Variants in KL observed in about 807,000 individuals in gnomAD.
KL encodes klotho.
Under a neutral mutation model 84.2 loss-of-function variants are expected in KL, and 62 were observed. The ratio of observed to expected loss-of-function variants is 0.74; its 90% CI spans 0.60 to 0.91. The LOEUF (loss-of-function observed/expected upper bound fraction) is 0.91. Ranked by LOEUF, KL falls within the 40% of genes least tolerant of loss-of-function variation. The pLI is 0.00. For missense variants in KL, 1,261 were observed against 1,305.7 expected, an observed-to-expected ratio of 0.97 and a Z score of 0.53; for synonymous variants, 528 against 528.0, an observed-to-expected ratio of 1.00 and a Z score of 0.00.
At chr13:33,025,944 C>T (rs1870756733) in intron 1 of KL, among the ~76,000 whole-genome samples, 1 of 152,150 alleles carries the variant, frequency 6.6e-6, no homozygotes, top group Non-Finnish European at 1.5e-5. Context: ...AAGTTTACCG[C>T]TGATGGTGGT....
At chr13:33,029,135 C>A (rs1870880747) in intron 1 of KL, among the ~76,000 whole-genome samples, 3 of 152,162 alleles carry the variant, frequency 2.0e-5, no homozygotes, top group Admixed American at 6.5e-5. Context: ...TTTTTTCTAT[C>A]ACTTTAAATA....
intron 4 of KL, among the ~76,000 whole-genome samples, chr13:33,063,265 A>C (rs1202568095): frequency 2.0e-5 from 3 of 151,750 alleles, no homozygotes; most frequent in East Asian, 1.9e-4. Context: ...AAAAAAAAAA[A>C]CACATACACA....
chr13:33,034,332 C>A (rs1871082687), intron 1 of KL, among the ~76,000 whole-genome samples: 1 of 152,156 alleles, frequency 6.6e-6, no homozygotes, highest in African/African-American at 2.4e-5. Context: ...GAAGGCAGTG[C>A]ACCTTTGTTC....
intron 1 of KL, among the ~76,000 whole-genome samples, chr13:33,037,248 G>T (rs1871171292): frequency 6.6e-6 from 1 of 152,076 alleles, no homozygotes; most frequent in South Asian, 2.1e-4. Flanking sequence ...TATAATAGGT[G>T]TTGGATAATA....
intron 4 of KL, 61 bp downstream of exon 4, chr13:33,061,841 G>C (rs1872222232): frequency 6.4e-7 from 1 of 1,553,592 alleles, no homozygotes; most frequent in Non-Finnish European, 8.8e-7. Context: ...CATGACACTT[G>C]ATTAAATCTC....
intron 1 of KL, 110 bp from the exon 2 acceptor site, chr13:33,053,657 T>G (rs1234017681): frequency 1.9e-6 from 2 of 1,039,204 alleles, no homozygotes; most frequent in Admixed American, 3.9e-5. Context: ...TGTTAGTCAT[T>G]AAGTTAGGCT....
intron 1 of KL, among the ~76,000 whole-genome samples, chr13:33,039,499 A>G (rs112204991): frequency 6.6e-6 from 1 of 152,188 alleles, no homozygotes; most frequent in East Asian, 1.9e-4. Context: ...ACTATGAAGA[A>G]GCATGTTATT....
chr13:33,029,678 G>A (rs542082652), intron 1 of KL, among the ~76,000 whole-genome samples: 118 of 152,110 alleles, frequency 7.8e-4, no homozygotes, highest in Non-Finnish European at 9.3e-4. Context: ...GTGTTGCCCA[G>A]GCTGGAGTGC....
chr13:33,027,532 C>T (rs1473489997), intron 1 of KL, among the ~76,000 whole-genome samples: 1 of 152,186 alleles, frequency 6.6e-6, no homozygotes, highest in East Asian at 1.9e-4. Context: ...GGCTGTGGCT[C>T]TTATATTGAG....
intron 3 of KL, among the ~76,000 whole-genome samples, chr13:33,059,612 A>ATAGGTGT (rs1276743644): frequency 1.5e-4 from 23 of 152,068 alleles, no homozygotes; most frequent in African/African-American, 5.5e-4. Context: ...AGCTGGGATT[A>ATAGGTGT]CAGGTGTGCA....
intron 1 of KL, among the ~76,000 whole-genome samples, chr13:33,026,120 G>C (rs76945057): frequency 2.6e-5 from 4 of 152,128 alleles, no homozygotes; most frequent in Non-Finnish European, 5.9e-5. Flanking sequence ...TATGTAAAAA[G>C]TATGTAAAGA....
In KL at chr13:33,064,249, A is replaced by G. The variant is rs961505420; in HGVS notation, c.*63A>G. On this transcript the variant is annotated 3_prime_UTR_variant, in exon 5 of 5. Transcript: ENST00000380099. ...TATGCAGACACATCAGCTGTTAACC[A>G]TTTGCACCTCTAAGTGTTGTGAAAC... 1 of 1,217,048 alleles carries G rather than the reference A, an allele frequency of 8.2e-7. No individual in the cohort carries two copies. 75.4% of individuals were successfully genotyped at this position (1,217,048 alleles called of 1,614,324 possible).
At chr13:33,054,372 T>A in intron 2 of KL, 95 bp downstream of exon 2, 4 of 1,287,226 alleles carry the variant, frequency 3.1e-6, no homozygotes, top group Non-Finnish European at 4.4e-6. Context: ...TTTATATTTT[T>A]AAATCCTAAT....
chr13:33,024,943 A>G (rs999903015), intron 1 of KL, among the ~76,000 whole-genome samples: 1 of 152,110 alleles, frequency 6.6e-6, no homozygotes, highest in Non-Finnish European at 1.5e-5. Flanking sequence ...TGCACGAGAG[A>G]TTCAGTTTTC....
chr13:33,046,543 A>C (rs1446862244), intron 1 of KL, among the ~76,000 whole-genome samples: 1 of 151,926 alleles, frequency 6.6e-6, no homozygotes. Context: ...TTCTCTAGTC[A>C]GTCTTGCTAA....
intron 1 of KL, among the ~76,000 whole-genome samples, chr13:33,020,480 C>T (rs962326264): frequency 2.0e-5 from 3 of 152,120 alleles, no homozygotes; most frequent in East Asian, 1.9e-4. Flanking sequence ...CAGGTTTCCC[C>T]GAGCATCAGA....
chr13:33,033,279 A>C (rs1338318323), intron 1 of KL, among the ~76,000 whole-genome samples: 2 of 152,152 alleles, frequency 1.3e-5, no homozygotes, highest in Non-Finnish European at 2.9e-5. Flanking sequence ...GAGATGGGAG[A>C]GTGAAAAACC....
intron 1 of KL, among the ~76,000 whole-genome samples, chr13:33,044,256 A>G (rs973225729): frequency 6.6e-6 from 1 of 152,308 alleles, no homozygotes; most frequent in Non-Finnish European, 1.5e-5. Context: ...GAAATCAGGT[A>G]ATGTGAATGT....
At chr13:33,042,901 C>T (rs9536281) in intron 1 of KL, among the ~76,000 whole-genome samples, 2 of 151,922 alleles carry the variant, frequency 1.3e-5, no homozygotes, top group East Asian at 1.9e-4. Context: ...AGGCTGGTCT[C>T]GAAGTCCTGA....
Sources: gnomAD v4.1 joint callset for allele counts (sites outside exome capture counted in the v4.1 genomes callset) on GRCh38, gnomAD v4.1.1 for gene constraint, MANE v1.5 for transcripts, NCBI Gene and HGNC (gene_info 2026-07-23, HGNC 2026-07-21) for gene names.